The following ADAM20 variants were observed in gnomAD, a reference collection of about 807,000 sequenced individuals.
ADAM20 encodes disintegrin and metalloproteinase domain-containing protein 20.
For missense variants in ADAM20, 871 were observed against 883.2 expected (o/e 0.99, Z 0.18); for synonymous variants, 305 against 310.2 (o/e 0.98, Z 0.18).
chr14:70,577,178 G>A, the ADAM20 span, among the ~76,000 whole-genome samples: 2 of 152,270 alleles, frequency 1.3e-5, no homozygotes, highest in South Asian at 4.1e-4. Flanking sequence ...ACAGGAAAGA[G>A]AATATTACAG....
chr14:70,562,592 G>C, the ADAM20 span, among the ~76,000 whole-genome samples: 5 of 152,190 alleles, frequency 3.3e-5, no homozygotes, highest in African/African-American at 1.2e-4. Context: ...CTTGGTTGGA[G>C]GTGACTGGAT....
chr14:70,523,159 T>C lies in ADAM20; in HGVS notation c.1599A>G (p.Glu533=). ...CGAAACGGTTTCCTTGGGTGTTGAT[T>C]TCTTGGTAGCAACTCTGAGATGCAC... ...ARSASQSCYQ[E]INTQGNRFGH... Residue 533 remains glutamate (E), a synonymous_variant, in exon 2 of 2, where the codon GAA becomes GAG. Transcript: ENST00000256389. The C allele has an allele frequency of 6.2e-7, 1 of 1,614,024 alleles. No individual in the cohort carries two copies. Among genetic ancestry groups the C allele is most frequent in the Non-Finnish European group, 8.5e-7 (1 of 1,179,946 alleles).
At chr14:70,536,497 G>A (rs199524527), upstream of ADAM20, among the ~76,000 whole-genome samples, 5,263 of 57,342 alleles carry the variant, frequency 0.092, no homozygotes, top group Non-Finnish European at 0.12. Context: ...AAAAAAAAAA[G>A]AATTGCACAG....
rs528809724 is a variant in ADAM20 at position 70,528,525 on chromosome 14, G to A, written c.-176-3592C>T. Among the ~76,000 whole-genome samples, 6 of 152,308 alleles carry A rather than the reference G, an allele frequency of 3.9e-5. 1 individual carries two copies. The East Asian group carries it at 1.2e-3, about 29-fold the overall frequency. On this transcript the variant is annotated intron_variant, in intron 1 of 1. Coordinates refer to ENST00000256389, the MANE Select transcript of ADAM20 (RefSeq NM_003814.5). ...CCCCTAATGTATAGGGGGTTGAACT[G>A]TTCCATATGTCCAGGTAGAATTGGA...
At position 70,522,656 on chromosome 14, in the gene ADAM20, G is replaced by A; in HGVS notation, c.2102C>T (p.Pro701Leu). 1.2e-6 allele frequency: 2 copies of A among 1,613,874 alleles called. No individual in the cohort carries two copies. The highest frequency in any genetic ancestry group is 1.7e-6 in the Non-Finnish European group (2 of 1,179,886). Reference sequence around the variant, plus strand: ...GCAAAATAATAAAAAAGCAACCAAAGGAAGAAGGCACAATAGTGACAGGTA... The same window carrying A: ...GCAAAATAATAAAAAAGCAACCAAAAGAAGAAGGCACAATAGTGACAGGTA... ...LRYLSLLCLL[P>L]LVAFLLFCLH... is the part of the protein sequence containing the mutation. Residue 701 changes from proline (P) to leucine (L), a missense_variant, in exon 2 of 2, where the codon CCT becomes CTT. Transcript: ENST00000256389.
At chr14:70,560,872 C>G in the ADAM20 span, among the ~76,000 whole-genome samples, 2 of 152,144 alleles carry the variant, frequency 1.3e-5, no homozygotes, top group African/African-American at 4.8e-5. Flanking sequence ...ATAAATTACC[C>G]AGCCTCAGGA....
the ADAM20 span, chr14:70,547,300 G>C: frequency 6.5e-6 from 1 of 153,762 alleles, no homozygotes; most frequent in Non-Finnish European, 1.4e-5. Context: ...AGAGGAGGGA[G>C]CCAAGATGGC....
At chr14:70,528,216 T>C (rs1294160380) in intron 1 of ADAM20, among the ~76,000 whole-genome samples, 1 of 152,170 alleles carries the variant, frequency 6.6e-6, no homozygotes, top group East Asian at 1.9e-4. Context: ...AAAACAAAGG[T>C]GAATGTGAAG....
At chr14:70,553,525 T>TAAAAAAAAAAAAAAAAAAAAAACA in the ADAM20 span, among the ~76,000 whole-genome samples, 2 of 57,010 alleles carry the variant, frequency 3.5e-5, no homozygotes, top group Non-Finnish European at 3.4e-5. Flanking sequence ...GCAAAAATCC[T>TAAAAAAAAAAAAAAAAAAAAAACA]AAAAAAAAAA....
intron 1 of ADAM20, among the ~76,000 whole-genome samples, chr14:70,533,872 C>T (rs1347057476): frequency 6.6e-6 from 1 of 151,604 alleles, no homozygotes; most frequent in South Asian, 2.1e-4. Flanking sequence ...CACCTGAGGT[C>T]AGGAGTTCGA....
Position 70,523,767 on chromosome 14 carries a change from T to G in ADAM20, c.991A>C (p.Asn331His). Residue 331 changes from asparagine (N) to histidine (H), a missense_variant, in exon 2 of 2, where the codon AAC becomes CAC. Coordinates refer to ENST00000256389, the MANE Select transcript of ADAM20 (RefSeq NM_003814.5). ...FNTGVDVFED[N>H]RLVVFAITLG... ...GTAATTGCAAAAACGACCAACCTGT[T>G]GTCTTCAAAAACATCAACTCCAGTA... is the stretch of plus-strand genomic sequence containing the variant. The G allele has an allele frequency of 3.1e-6, 5 of 1,614,078 alleles. No individual in the cohort carries two copies. The highest frequency in any genetic ancestry group is 4.2e-6 in the Non-Finnish European group (5 of 1,179,966).
chr14:70,563,872 C>T, the ADAM20 span, among the ~76,000 whole-genome samples: 1 of 152,000 alleles, frequency 6.6e-6, no homozygotes, highest in Non-Finnish European at 1.5e-5. Flanking sequence ...AATCTACTTT[C>T]TTTATCAATT....
the ADAM20 span, among the ~76,000 whole-genome samples, chr14:70,578,491 A>C: frequency 6.6e-6 from 1 of 152,134 alleles, no homozygotes; most frequent in Non-Finnish European, 1.5e-5. Context: ...AAAATAGACA[A>C]ATGAGACTCA....
At chr14:70,567,914 T>C in the ADAM20 span, among the ~76,000 whole-genome samples, 1 of 152,072 alleles carries the variant, frequency 6.6e-6, no homozygotes, top group Non-Finnish European at 1.5e-5. Context: ...CTCCCCAACC[T>C]TTCCTCCAAG....
At chr14:70,533,706 A>G (rs1883765270) in intron 1 of ADAM20, among the ~76,000 whole-genome samples, 1 of 151,962 alleles carries the variant, frequency 6.6e-6, no homozygotes, top group South Asian at 2.1e-4. Context: ...ACCATGGCAC[A>G]TGTATACCTA....
the ADAM20 span, among the ~76,000 whole-genome samples, chr14:70,565,982 T>C: frequency 1.3e-5 from 2 of 151,298 alleles, no homozygotes; most frequent in Non-Finnish European, 1.5e-5. Context: ...AAAGCTGTCC[T>C]TCAGAAATGA....
chr14:70,552,852 A>G, the ADAM20 span, among the ~76,000 whole-genome samples: 1 of 7,292 alleles, frequency 1.4e-4, no homozygotes, highest in South Asian at 5.0e-3. Flanking sequence ...ATAAAGACAC[A>G]TGCACACGTA....
intron 1 of ADAM20, among the ~76,000 whole-genome samples, chr14:70,533,776 A>G (rs1472443071): frequency 6.6e-6 from 1 of 151,190 alleles, no homozygotes; most frequent in African/African-American, 2.4e-5. Context: ...AAAAAAAAAA[A>G]CCCTCTTAGA....
At chr14:70,541,932 T>C in the ADAM20 span, among the ~76,000 whole-genome samples, 3 of 152,234 alleles carry the variant, frequency 2.0e-5, no homozygotes, top group Non-Finnish European at 2.9e-5. Flanking sequence ...ACAATTCTTG[T>C]CTGGTTTATA....
Sources: allele counts gnomAD v4.1 joint callset (sites outside exome capture counted in the v4.1 genomes callset), GRCh38; gene constraint gnomAD v4.1.1; transcripts MANE v1.5; gene names NCBI Gene and HGNC (gene_info 2026-07-23, HGNC 2026-07-21).